Variants in ADAMTSL5 observed in about 807,000 individuals in gnomAD.
The protein encoded by ADAMTSL5 is ADAMTS like 5, also known as ADAMTS-like protein 5.
In ADAMTSL5, 53 loss-of-function variants were observed where a neutral mutation model predicts 51.7. The ratio of observed to expected loss-of-function variants is 1.03; its 90% CI spans 0.82 to 1.29. The LOEUF (loss-of-function observed/expected upper bound fraction) is 1.29. Among genes scored for constraint, ADAMTSL5 ranks in the 50% most tolerant of loss-of-function variants. ADAMTSL5 has a pLI of 0.00. For synonymous variants in ADAMTSL5, 285 were observed against 278.7 expected (o/e 1.02, Z -0.23); for missense variants, 770 against 676.2 (o/e 1.14, Z -1.54).
At position 1,507,621 on chromosome 19, in the gene ADAMTSL5, G is replaced by A. The variant is rs537539967; in HGVS notation, c.624C>T (p.Asn208=). 40 of 1,613,562 alleles carry A rather than the reference G, an allele frequency of 2.5e-5. No homozygotes were observed. The South Asian group carries it at 3.1e-4, about 12-fold the overall frequency. Residue 208 remains asparagine (N), a synonymous_variant, in exon 8 of 12, where the codon AAC becomes AAT. Coordinates refer to ENST00000330475, the MANE Select transcript of ADAMTSL5 (RefSeq NM_213604.3). ...RDAGAFAGYW[N]VTLIPEGARH... ...TGGCGCCCTCGGGGATCAGGGTCAC[G>A]TTCCAGTACCCAGCGAAGGCACCTG... is the stretch of plus-strand genomic sequence containing the variant.
rs1912898500 is a variant in ADAMTSL5, at chr19:1,506,026, AGC to A, written c.1403_1404del (p.Arg468LeufsTer20). ...GCTCCTGCAGGGGCTCAGCCAGGACAGCGCCGGGCAGTCAGGCGTATGCGGCT... is the reference window on the plus strand; with the variant it reads ...GCTCCTGCAGGGGCTCAGCCAGGACAGCCGGGCAGTCAGGCGTATGCGGCT... ...EDSRIRLTAR[R>X]CPG On this transcript the variant is annotated frameshift_variant, in exon 12 of 12. Transcript: ENST00000330475. LOFTEE classifies it high-confidence loss of function. This position sits in a 1 kb window ranked among gnomAD's most constrained non-coding sequence, Gnocchi z 5.6. 6.4e-7 allele frequency: 1 copy of A among 1,568,522 alleles called. No homozygotes were observed. The highest frequency in any genetic ancestry group is 8.6e-7 in the Non-Finnish European group (1 of 1,164,820).
At chr19:1,512,524 AC>A (rs1913314598) in intron 1 of ADAMTSL5, among the ~76,000 whole-genome samples, 1 of 152,302 alleles carries the variant, frequency 6.6e-6, no homozygotes, top group Middle Eastern at 3.4e-3. Flanking sequence ...GTACTAAAAC[AC>A]AAAAATTAGC....
At position 1,506,214 on chromosome 19, in the gene ADAMTSL5, C is replaced by T. The variant is rs764305165; in HGVS notation, c.1217G>A (p.Arg406His). The T allele has an allele frequency of 8.1e-6, 13 of 1,604,846 alleles. No homozygotes were observed. The highest frequency in any genetic ancestry group is 1.7e-4 in the Middle Eastern group (1 of 6,050). Residue 406 changes from arginine to histidine, a missense_variant, in exon 12 of 12, where the codon CGC becomes CAC. Arg to His is a conservative substitution (Grantham distance 29). Coordinates refer to ENST00000330475, the MANE Select transcript of ADAMTSL5 (RefSeq NM_213604.3). This position sits in a 1 kb window ranked among gnomAD's most constrained non-coding sequence, Gnocchi z 5.6. Reference protein sequence around the residue: ...VYKNRSPLRAREYVWAPGHCP... With the variant: ...VYKNRSPLRAHEYVWAPGHCP... ...GTGGCCTGGCGCCCACACGTACTCG[C>T]GTGCCCGCAGTGGCGAGCGGTTCTT...
At chr19:1,507,934 G>A (rs1913037821) in intron 7 of ADAMTSL5, 64 bp downstream of exon 7, 2 of 1,502,624 alleles carry the variant, frequency 1.3e-6, no homozygotes, top group South Asian at 1.2e-5. Context: ...ATTTGCTTCC[G>A]GGCCACGGCT....
chr19:1,508,817 T>C (rs1047806803), intron 5 of ADAMTSL5: 12 of 447,556 alleles, frequency 2.7e-5, no homozygotes, highest in Non-Finnish European at 4.3e-5. Context: ...TGTCTTTATA[T>C]TAGGAGTCCT....
chr19:1,508,084 C>T lies in ADAMTSL5; in HGVS notation c.515G>A (p.Gly172Asp). ...ACAGCGGTCCTCGAGGGCACCCGAG[C>T]CCAACAACCCATCACAGCCGGCGCT... Reference protein sequence around the residue: ...CLSAGCDGLLGSGALEDRCGR... With the variant: ...CLSAGCDGLLDSGALEDRCGR... Residue 172 changes from glycine (G) to aspartate (D), a missense_variant, in exon 7 of 12, where the codon GGC becomes GAC. Transcript: ENST00000330475. The T allele has an allele frequency of 6.2e-7, 1 of 1,610,288 alleles. No homozygotes were observed. Among genetic ancestry groups the T allele is most frequent in the Middle Eastern group, 1.7e-4 (1 of 5,850 alleles).
intron 5 of ADAMTSL5, among the ~76,000 whole-genome samples, chr19:1,509,495 G>A (rs1233334210): frequency 6.6e-6 from 1 of 152,078 alleles, no homozygotes; most frequent in Non-Finnish European, 1.5e-5. Context: ...GCTCCTTCTG[G>A]CTCCCATTTC....
At chr19:1,512,094 A>C (rs265290) in intron 1 of ADAMTSL5, among the ~76,000 whole-genome samples, 4,401 of 152,184 alleles carry the variant, frequency 0.029, 216 homozygotes, top group African/African-American at 0.1. Context: ...AGGGGGAAAG[A>C]GGGGGGAAGG....
chr19:1,507,409 C>A lies in ADAMTSL5; in HGVS notation c.689-4G>T. 1.3e-6 allele frequency: 2 copies of A among 1,580,674 alleles called. No individual in the cohort carries two copies. The highest frequency in any genetic ancestry group is 1.2e-5 in the South Asian group (1 of 85,368). On this transcript the variant is annotated splice_polypyrimidine_tract_variant and splice_region_variant and intron_variant, in intron 8 of 11. Coordinates refer to ENST00000330475, the MANE Select transcript of ADAMTSL5 (RefSeq NM_213604.3). Reference sequence around the variant, plus strand: ...CGCCCATCGCCCCCCATCAGTGCTGCAAGGGAACAGTCAGCCCTCAGGAAC... The same window carrying A: ...CGCCCATCGCCCCCCATCAGTGCTGAAAGGGAACAGTCAGCCCTCAGGAAC...
At chr19:1,510,015 A>C in intron 5 of ADAMTSL5, 135 bp downstream of exon 5, 1 of 703,554 alleles carries the variant, frequency 1.4e-6, no homozygotes, top group South Asian at 2.0e-5. Context: ...TTTCTGTTTC[A>C]CTAACTCCTA....
chr19:1,508,145 C>G (rs1204232039), intron 6 of ADAMTSL5, 36 bp from the exon 7 acceptor site: 3 of 1,572,306 alleles, frequency 1.9e-6, no homozygotes, highest in African/African-American at 2.8e-5. Flanking sequence ...GTCACTGACG[C>G]TGGGAGGGGC....
intron 1 of ADAMTSL5, among the ~76,000 whole-genome samples, chr19:1,512,178 G>A (rs955171618): frequency 2.0e-5 from 3 of 152,186 alleles, no homozygotes; most frequent in Admixed American, 1.3e-4. Context: ...GCCCCGGCCC[G>A]GGCACCAGCT....
Position 1,508,621 on chromosome 19 carries a change from C to T in ADAMTSL5, c.362-51G>A, listed in dbSNP as rs553090497. 4.0e-4 allele frequency: 590 copies of T among 1,458,108 alleles called. 5 individuals carry two copies. The South Asian group carries it at 7.6e-3, about 19-fold the overall frequency. The allele number at this position is 1,458,108 out of a possible 1,614,324, so 90.3% of individuals were successfully genotyped here. On this transcript the variant is annotated intron_variant, in intron 5 of 11. Coordinates refer to ENST00000330475, the MANE Select transcript of ADAMTSL5 (RefSeq NM_213604.3). ...CGGGGACCCCTGTTCGAGCTCCAGT[C>T]CCCCTCTACCAAGCTTCATCAGGCA...
chr19:1,506,907 G>A lies in ADAMTSL5; in HGVS notation c.874C>T (p.Pro292Ser). Reference sequence around the variant, plus strand: ...AGCCAGAACTCAAACTCGATGCCAGGGTTGGGCTCCTGCAGGAGGACCTGG... The same window carrying A: ...AGCCAGAACTCAAACTCGATGCCAGAGTTGGGCTCCTGCAGGAGGACCTGG... Reference protein sequence around the residue: ...LLQVLLQEPNPGIEFEFWLPR... With the variant: ...LLQVLLQEPNSGIEFEFWLPR... Residue 292 changes from proline to serine, a missense_variant, in exon 10 of 12, where the codon CCT becomes TCT. Transcript: ENST00000330475. The surrounding 1 kb of genome is among the most constrained non-coding windows in gnomAD (Gnocchi z 5.6). 6.5e-7 allele frequency: 1 copy of A among 1,548,668 alleles called. No homozygotes were observed. Among genetic ancestry groups the A allele is most frequent in the Non-Finnish European group, 8.7e-7 (1 of 1,146,062 alleles).
Position 1,511,180 on chromosome 19 carries a change from T to TA in ADAMTSL5, c.-217-21dup, listed in dbSNP as rs1913247677. The TA allele has an allele frequency of 3.4e-6, 1 of 297,158 alleles. No homozygotes were observed. Among genetic ancestry groups the TA allele is most frequent in the Non-Finnish European group, 5.6e-6 (1 of 179,136 alleles). The allele number at this position is 297,158 out of a possible 1,614,324, so 18.4% of individuals were successfully genotyped here. A position where few individuals can be genotyped will look rare whatever the true frequency, so the allele number is the denominator to read the frequency against. ...TGTCATCTGCAATTATTATTGTTGTTAGTTAGTTTGTTTTTGAGACGGAGT... is the reference window on the plus strand; with the variant it reads ...TGTCATCTGCAATTATTATTGTTGTTAAGTTAGTTTGTTTTTGAGACGGAGT... On this transcript the variant is annotated intron_variant, in intron 1 of 11. Transcript: ENST00000330475.
Position 1,506,417 on chromosome 19 carries a change from C to A in ADAMTSL5, c.1115-101G>T. 5 of 1,471,844 alleles carry A rather than the reference C, an allele frequency of 3.4e-6. No homozygotes were observed. The South Asian group carries it at 6.6e-5, about 19-fold the overall frequency. The allele number at this position is 1,471,844 out of a possible 1,614,324, so 91.2% of individuals were successfully genotyped here. A position where few individuals can be genotyped will look rare whatever the true frequency, so the allele number is the denominator to read the frequency against. On this transcript the variant is annotated intron_variant, in intron 11 of 11. Coordinates refer to ENST00000330475, the MANE Select transcript of ADAMTSL5 (RefSeq NM_213604.3). This position sits in a 1 kb window ranked among gnomAD's most constrained non-coding sequence, Gnocchi z 5.6. ...AGGGACTGAGGGTCAGGTGGGACCT[C>A]GGGATCTATAGGGACTAGAGTCAGG...
intron 8 of ADAMTSL5, 64 bp downstream of exon 8, chr19:1,507,493 G>C: frequency 1.2e-6 from 2 of 1,612,006 alleles, no homozygotes; most frequent in South Asian, 2.2e-5. Context: ...CTCCCCATCT[G>C]TAAACAGGGA....
intron 7 of ADAMTSL5, 77 bp from the exon 8 acceptor site, chr19:1,507,720 A>G: frequency 4.2e-6 from 6 of 1,419,802 alleles, no homozygotes; most frequent in Admixed American, 1.8e-5. Flanking sequence ...TTAATGAGCT[A>G]CTGCGGGTAA....
chr19:1,507,091 T>TC, intron 9 of ADAMTSL5, 151 bp downstream of exon 9: 1 of 367,654 alleles, frequency 2.7e-6, no homozygotes, highest in Non-Finnish European at 4.1e-6. Context: ...GTCCCCACCC[T>TC]CCCCCCTCTG....
Sources: gnomAD v4.1 joint callset for allele counts (sites outside exome capture counted in the v4.1 genomes callset) on GRCh38, gnomAD v4.1.1 for gene constraint, Gnocchi (gnomAD v3.1) non-coding constraint, MANE v1.5 for transcripts, NCBI Gene and HGNC (gene_info 2026-07-23, HGNC 2026-07-21) for gene names.